The following CYLD variants were observed in gnomAD, a reference collection of about 807,000 sequenced individuals.
CYLD encodes ubiquitin carboxyl-terminal hydrolase CYLD.
A neutral mutation model predicts 104.5 loss-of-function variants in CYLD; 26 were observed. The ratio of observed to expected loss-of-function variants is 0.25; its 90% CI spans 0.18 to 0.35. The LOEUF is 0.35. Ranked by LOEUF, CYLD falls within the 10% of genes least tolerant of loss-of-function variation. The pLI is 1.00. For missense variants in CYLD, 703 were observed against 1,136.1 expected, an observed-to-expected ratio of 0.62 and a Z score of 5.48; for synonymous variants, 385 against 399.9, an observed-to-expected ratio of 0.96 and a Z score of 0.45.
chr16:50,742,926 C>G lies in CYLD; in HGVS notation c.-124+85C>G, dbSNP rs931802676. The G allele has an allele frequency of 8.3e-5, 33 of 397,320 alleles. 1 individual carries two copies. The Admixed American group carries it at 8.8e-4, about 11-fold the overall frequency. 24.6% of individuals were successfully genotyped at this position (397,320 alleles called of 1,614,324 possible). On this transcript the variant is annotated intron_variant, in intron 2 of 18. Transcript: ENST00000427738. ...GGGGGCGGGGGCGAAGTCATGAAAT[C>G]TTCAGGAGATGGTGTTGAGTTTGGT...
At chr16:50,776,035 T>C (rs1969642859) in intron 6 of CYLD, 144 bp from the exon 7 acceptor site, 3 of 672,468 alleles carry the variant, frequency 4.5e-6, no homozygotes, top group Middle Eastern at 3.9e-4. Flanking sequence ...TTCAATACTT[T>C]TGATGGCCTT....
intron 5 of CYLD, among the ~76,000 whole-genome samples, chr16:50,767,912 A>G (rs1386134922): frequency 1.3e-5 from 2 of 152,212 alleles, no homozygotes; most frequent in African/African-American, 4.8e-5. Context: ...CTGGAATATA[A>G]CCTGACAAGG....
intron 2 of CYLD, among the ~76,000 whole-genome samples, chr16:50,746,353 C>G (rs959674824): frequency 2.6e-5 from 4 of 152,182 alleles, no homozygotes; most frequent in African/African-American, 4.8e-5. Context: ...TATTAGTGAT[C>G]ATTCAGTTGA....
chr16:50,758,172 G>A (rs948009943), intron 5 of CYLD, among the ~76,000 whole-genome samples: 1 of 152,232 alleles, frequency 6.6e-6, no homozygotes, highest in African/African-American at 2.4e-5. Context: ...TCGATTTCAT[G>A]TAGGGTAGTT....
At chr16:50,781,721 CT>C (rs918672738) in intron 10 of CYLD, among the ~76,000 whole-genome samples, 277 of 144,848 alleles carry the variant, frequency 1.9e-3, no homozygotes, top group African/African-American at 3.9e-3. Flanking sequence ...ATGTAACCTT[CT>C]TTTTTTTTTT....
Position 50,793,582 on chromosome 16 carries a change from T to C in CYLD, c.2387T>C (p.Met796Thr), listed in dbSNP as rs763013177. 5 of 1,614,060 alleles carry C rather than the reference T, an allele frequency of 3.1e-6. No individual in the cohort carries two copies. The highest frequency in any genetic ancestry group is 4.2e-6 in the Non-Finnish European group (5 of 1,179,950). ...RQCRICGGLA[M>T]YECRECYDDP... Reference sequence around the variant, plus strand: ...TGCCGGATATGTGGAGGGCTTGCAATGTATGAGTGTAGAGAATGCTACGAC... The same window carrying C: ...TGCCGGATATGTGGAGGGCTTGCAACGTATGAGTGTAGAGAATGCTACGAC... Residue 796 changes from methionine (M) to threonine (T), a missense_variant, in exon 17 of 19, where the codon ATG becomes ACG. This residue lies in a region of CYLD where 130 missense variants were observed against 220.2 expected (regional missense o/e 0.59). Transcript: ENST00000427738.
chr16:50,745,385 T>TTTTG, intron 2 of CYLD, among the ~76,000 whole-genome samples: 1 of 145,472 alleles, frequency 6.9e-6, no homozygotes, highest in Admixed American at 6.9e-5. Context: ...TTTTTTTTTT[T>TTTTG]GAGACCAGGT....
At chr16:50,754,281 A>G (rs199808691) in intron 4 of CYLD, 38 bp from the exon 5 acceptor site, 4 of 1,310,488 alleles carry the variant, frequency 3.1e-6, no homozygotes, top group Non-Finnish European at 4.4e-6. Flanking sequence ...TTTACATTTC[A>G]TTGAGGAGGA....
At chr16:50,767,169 A>C (rs1968607257) in intron 5 of CYLD, among the ~76,000 whole-genome samples, 1 of 152,222 alleles carries the variant, frequency 6.6e-6, no homozygotes. Flanking sequence ...ACCCATCCAC[A>C]CTGAGGCAAG....
chr16:50,771,133 T>A (rs1969102012), intron 5 of CYLD, among the ~76,000 whole-genome samples: 2 of 151,174 alleles, frequency 1.3e-5, no homozygotes, highest in Non-Finnish European at 3.0e-5. Context: ...AACATTTTCA[T>A]GGGAACCCAG....
At chr16:50,745,636 G>A (rs1419150366) in intron 2 of CYLD, among the ~76,000 whole-genome samples, 1 of 151,904 alleles carries the variant, frequency 6.6e-6, no homozygotes, top group East Asian at 1.9e-4. Context: ...GCTCACTAAA[G>A]CCTTGAACTC....
chr16:50,751,944 A>G, intron 4 of CYLD, 38 bp downstream of exon 4: 5 of 911,484 alleles, frequency 5.5e-6, no homozygotes, highest in South Asian at 1.8e-5. Flanking sequence ...TGTGATATAT[A>G]TATTAGTTTA....
At chr16:50,793,447 T>A in intron 16 of CYLD, 99 bp from the exon 17 acceptor site, 1 of 846,858 alleles carries the variant, frequency 1.2e-6, no homozygotes, top group Non-Finnish European at 2.1e-6. Context: ...CCATGAACAT[T>A]GTCCTTTTTA....
chr16:50,791,435 T>G, intron 14 of CYLD, 123 bp from the exon 15 acceptor site: 2 of 958,420 alleles, frequency 2.1e-6, no homozygotes, highest in Non-Finnish European at 3.3e-6. Context: ...GTTCTGACTA[T>G]CCAAAGCTAC....
Position 50,794,158 on chromosome 16 carries a change from C to T in CYLD, c.2470-54C>T. 6.6e-7 allele frequency: 1 copy of T among 1,505,306 alleles called. No individual in the cohort carries two copies. The highest frequency in any genetic ancestry group is 9.2e-7 in the Non-Finnish European group (1 of 1,082,664). 93.2% of individuals were successfully genotyped at this position (1,505,306 alleles called of 1,614,324 possible). On this transcript the variant is annotated intron_variant, in intron 17 of 18. Transcript: ENST00000427738. This position sits in a 1 kb window ranked among gnomAD's most constrained non-coding sequence, Gnocchi z 4.1. ...GATCAGGCTGGTCTTGAACTCCTGA[C>T]CTCGTGATCCACCAGCCTCGGCCTA...
intron 12 of CYLD, chr16:50,786,140 G>A (rs548360596): frequency 5.1e-4 from 78 of 152,274 alleles, no homozygotes; most frequent in African/African-American, 1.9e-3. Context: ...TAGATTTTCA[G>A]TTTCTTATAA....
rs768395376 is a variant in CYLD at position 50,782,493 on chromosome 16, A to G, written c.1826+27A>G. The G allele has an allele frequency of 5.6e-6, 9 of 1,611,950 alleles. No homozygotes were observed. The African/African-American group carries it at 9.3e-5, about 17-fold the overall frequency. Reference sequence around the variant, plus strand: ...TAAGTTTAAAAAGAATGCAATAGGTATAGATAGTGCCATGAGGCAGGGACA... The same window carrying G: ...TAAGTTTAAAAAGAATGCAATAGGTGTAGATAGTGCCATGAGGCAGGGACA... On this transcript the variant is annotated intron_variant, in intron 11 of 18. Transcript: ENST00000427738.
intron 14 of CYLD, among the ~76,000 whole-genome samples, chr16:50,788,202 A>G (rs1329614143): frequency 6.6e-6 from 1 of 152,218 alleles, no homozygotes. Flanking sequence ...AGACACTTCA[A>G]GAAGACTGTT....
chr16:50,769,381 T>C (rs1968869330), intron 5 of CYLD, among the ~76,000 whole-genome samples: 1 of 152,212 alleles, frequency 6.6e-6, no homozygotes, highest in African/African-American at 2.4e-5. Context: ...TAAATTTTAG[T>C]AACATCTAAT....
Sources: allele counts gnomAD v4.1 joint callset (sites outside exome capture counted in the v4.1 genomes callset), GRCh38; gene constraint gnomAD v4.1.1; regional missense constraint gnomAD v4.1.1; non-coding constraint Gnocchi (gnomAD v3.1); transcripts MANE v1.5; gene names NCBI Gene and HGNC (gene_info 2026-07-23, HGNC 2026-07-21).